Variants in EML1 observed in about 807,000 individuals in gnomAD.
EML1 encodes the protein EMAP like 1.
EML1 carries 27 observed loss-of-function variants against 110.4 expected under a neutral mutation model. That is an observed-to-expected ratio of 0.24 (90% CI 0.18 to 0.34). The LOEUF (loss-of-function observed/expected upper bound fraction) is 0.34, where lower values mean the gene tolerates loss of function less well. EML1 is among the 10% of genes least tolerant of loss of function. EML1 has a pLI of 1.00. For missense variants in EML1, 741 were observed against 1,030.9 expected, an observed-to-expected ratio of 0.72 and a Z score of 3.85; for synonymous variants, 344 against 385.8, an observed-to-expected ratio of 0.89 and a Z score of 1.27.
In EML1 at chr14:99,850,986, C is replaced by G. The variant is rs1644476735; in HGVS notation, c.201C>G (p.Asn67Lys). The change falls in exon 2 of 22, where the codon AAC (asparagine) becomes AAG (lysine). Residue 67 changes from asparagine to lysine, a missense_variant. This residue lies in a region of EML1 where 226 missense variants were observed against 255.6 expected (regional missense o/e 0.88). Transcript: ENST00000262233. ...SALADVVRRLNITEEQQAVLN... is the reference protein window; with the variant it reads ...SALADVVRRLKITEEQQAVLN... ...TAGCTGATGTGGTTCGGCGGCTGAA[C>G]ATTACTGAGGAACAGCAGGCCGTGC... 3.7e-6 allele frequency: 6 copies of G among 1,614,024 alleles called. No homozygotes were observed. Among genetic ancestry groups the G allele is most frequent in the Non-Finnish European group, 4.2e-6 (5 of 1,180,022 alleles).
chr14:99,821,895 T>C (rs555886238), intron 1 of EML1, among the ~76,000 whole-genome samples: 1 of 152,320 alleles, frequency 6.6e-6, no homozygotes, highest in South Asian at 2.1e-4. Flanking sequence ...AGGGAATGTA[T>C]CTGTGGTTAG....
intron 3 of EML1, among the ~76,000 whole-genome samples, chr14:99,874,384 TA>T (rs2059254956): frequency 6.6e-6 from 1 of 152,214 alleles, no homozygotes; most frequent in Non-Finnish European, 1.5e-5. Flanking sequence ...CCTTAAGCAC[TA>T]AAAAATATAC....
chr14:99,932,135 TG>T (rs2060381859), intron 17 of EML1, among the ~76,000 whole-genome samples: 1 of 152,200 alleles, frequency 6.6e-6, no homozygotes, highest in Non-Finnish European at 1.5e-5. Context: ...CATCTTTTCG[TG>T]CCTGTGCAGA....
At chr14:99,910,549 AC>A in intron 12 of EML1, among the ~76,000 whole-genome samples, 1 of 152,236 alleles carries the variant, frequency 6.6e-6, no homozygotes, top group Non-Finnish European at 1.5e-5. Context: ...AGAGTTACTG[AC>A]CTTACAGCAT....
chr14:99,896,259 G>T (rs2059669286), intron 6 of EML1, among the ~76,000 whole-genome samples: 1 of 151,874 alleles, frequency 6.6e-6, no homozygotes, highest in African/African-American at 2.4e-5. Context: ...TTAAGCTATT[G>T]TGACTTCATT....
At chr14:99,792,114 G>A (rs968426273), upstream of EML1, among the ~76,000 whole-genome samples, 1 of 152,148 alleles carries the variant, frequency 6.6e-6, no homozygotes, top group Admixed American at 6.5e-5. Flanking sequence ...TGCACTAACC[G>A]TGCCGCACGC....
At chr14:99,746,371 G>A (rs959828723) in intron 1 of EML1, among the ~76,000 whole-genome samples, 20 of 152,268 alleles carry the variant, frequency 1.3e-4, no homozygotes, top group South Asian at 4.1e-4. Flanking sequence ...TGAACTTTTC[G>A]GGAGGAGGGA....
At chr14:99,918,179 C>T (rs538998435) in intron 16 of EML1, among the ~76,000 whole-genome samples, 1 of 152,356 alleles carries the variant, frequency 6.6e-6, no homozygotes, top group Non-Finnish European at 1.5e-5. Flanking sequence ...TCACAGCTTA[C>T]TGCAGCCTCC....
At chr14:99,738,184 A>G (rs1378858960) in intron 1 of EML1, among the ~76,000 whole-genome samples, 1 of 152,196 alleles carries the variant, frequency 6.6e-6, no homozygotes, top group Non-Finnish European at 1.5e-5. Context: ...GGGTGGGCTC[A>G]GGATGCCGTG....
intron 8 of EML1, among the ~76,000 whole-genome samples, 198 bp downstream of exon 8, chr14:99,898,500 C>T (rs1423499372): frequency 1.3e-5 from 2 of 152,090 alleles, no homozygotes; most frequent in Admixed American, 1.3e-4. Flanking sequence ...GCCTGTAATC[C>T]CAGCACTTTG....
At chr14:99,793,624 AG>A in intron 1 of EML1, 81 bp downstream of exon 1, 1 of 948,286 alleles carries the variant, frequency 1.1e-6, no homozygotes. Context: ...GACCAAGCCG[AG>A]GGGCCGAGGC....
intron 3 of EML1, among the ~76,000 whole-genome samples, chr14:99,868,081 G>T (rs372696592): frequency 3.9e-5 from 6 of 151,978 alleles, no homozygotes; most frequent in Admixed American, 6.6e-5. Flanking sequence ...ATGATCATGT[G>T]GTTTTTGTCC....
At chr14:99,902,828 C>CT (rs2059783882) in intron 9 of EML1, among the ~76,000 whole-genome samples, 1 of 152,146 alleles carries the variant, frequency 6.6e-6, no homozygotes, top group Non-Finnish European at 1.5e-5. Flanking sequence ...ACATTCTTTA[C>CT]TTACCACAGA....
At chr14:99,901,441 T>A (rs2059762413) in intron 9 of EML1, among the ~76,000 whole-genome samples, 1 of 152,226 alleles carries the variant, frequency 6.6e-6, no homozygotes, top group South Asian at 2.1e-4. Context: ...TTCTTGGATC[T>A]CTTGTAAGAA....
At chr14:99,890,461 G>A (rs1021959553) in intron 4 of EML1, among the ~76,000 whole-genome samples, 5 of 152,208 alleles carry the variant, frequency 3.3e-5, no homozygotes, top group African/African-American at 7.2e-5. Flanking sequence ...CTGCAGTGGC[G>A]GCCGCCTCTC....
chr14:99,764,823 TA>T (rs1475956619), intron 1 of EML1, among the ~76,000 whole-genome samples: 3 of 152,168 alleles, frequency 2.0e-5, no homozygotes, highest in Non-Finnish European at 4.4e-5. Context: ...AGTCAGTGTA[TA>T]GGGACACCCA....
chr14:99,745,972 GTCCT>G (rs2057102973), intron 1 of EML1, among the ~76,000 whole-genome samples: 1 of 152,168 alleles, frequency 6.6e-6, no homozygotes, highest in Non-Finnish European at 1.5e-5. Flanking sequence ...CCACTCTGGT[GTCCT>G]TGTCCTTAGG....
At chr14:99,901,160 C>T in intron 9 of EML1, 121 bp downstream of exon 9, 1 of 797,364 alleles carries the variant, frequency 1.3e-6, no homozygotes, top group Non-Finnish European at 2.1e-6. Flanking sequence ...CAGATTTGGA[C>T]TCTGAAACAT....
chr14:99,885,801 A>G (rs1303364292), intron 4 of EML1: 5 of 435,682 alleles, frequency 1.1e-5, no homozygotes, highest in East Asian at 7.1e-5. Flanking sequence ...AACATGTTGG[A>G]CGCATTGTAA....
Sources: gnomAD v4.1 joint callset for allele counts (sites outside exome capture counted in the v4.1 genomes callset) on GRCh38, gnomAD v4.1.1 for gene constraint, gnomAD v4.1.1 regional missense constraint, MANE v1.5 for transcripts, NCBI Gene and HGNC (gene_info 2026-07-23, HGNC 2026-07-21) for gene names.